INPPL1: variants seen among roughly 807,000 people sequenced by gnomAD.
The protein encoded by INPPL1 is phosphatidylinositol 3,4,5-trisphosphate 5-phosphatase 2.
A neutral mutation model predicts 139.3 loss-of-function variants in INPPL1; 91 were observed. That is an observed-to-expected ratio of 0.65 (90% CI 0.55 to 0.78). The LOEUF (loss-of-function observed/expected upper bound fraction) is 0.78, where lower values mean the gene tolerates loss of function less well. Among genes scored for constraint, INPPL1 ranks in the 30% least tolerant of loss-of-function variants. The pLI is 0.00. For synonymous variants in INPPL1, 719 were observed against 686.6 expected (o/e 1.05, Z -0.74); for missense variants, 1,411 against 1,665.6 (o/e 0.85, Z 2.66).
Position 72,228,039 on chromosome 11 carries a change from C to G in INPPL1, c.183-151C>G, listed in dbSNP as rs1017903046. The G allele has an allele frequency of 1.2e-5, 9 of 729,108 alleles. No individual in the cohort carries two copies. In the African/African-American group the frequency reaches 1.5e-4, roughly 13 times the overall value. 45.2% of individuals were successfully genotyped at this position (729,108 alleles called of 1,614,324 possible). A position where few individuals can be genotyped will look rare whatever the true frequency, so the allele number is the denominator to read the frequency against. ...CAGGAGGGTGGAAGTGGACCGGCCA[C>G]ATCATTAACCCTGTGCAGCCTGGGC... On this transcript the variant is annotated intron_variant, in intron 1 of 27. Coordinates refer to ENST00000298229, the MANE Select transcript of INPPL1 (RefSeq NM_001567.4). The surrounding 1 kb of genome is among the most constrained non-coding windows in gnomAD (Gnocchi z 5.0).
At position 72,229,208 on chromosome 11, in the gene INPPL1, A is replaced by G. The variant is rs138340411; in HGVS notation, c.637A>G (p.Thr213Ala). 5.9e-4 allele frequency: 945 copies of G among 1,611,554 alleles called. 2 individuals are homozygous for G. The highest frequency in any genetic ancestry group is 7.1e-4 in the Non-Finnish European group (836 of 1,178,664). ...HLPHLTRTLA[T>A]SCRRLHSEVD... is the part of the protein sequence containing the mutation. ...GCCCCACCTCACCCGTACCCTCGCT[A>G]CCTCATGCCGGAGGCTGCACAGGTA... Residue 213 changes from threonine to alanine, a missense_variant, in exon 5 of 28, where the codon ACC becomes GCC. By Grantham distance (58) the Thr-to-Ala change is moderately conservative. Transcript: ENST00000298229.
At chr11:72,229,042 G>T in intron 4 of INPPL1, 48 bp from the exon 5 acceptor site, 1 of 1,566,508 alleles carries the variant, frequency 6.4e-7, no homozygotes. Context: ...CAGAGGTGCT[G>T]GGACAGGTCA....
In INPPL1 at chr11:72,234,187, C is replaced by A; in HGVS notation, c.2213-94C>A. Reference sequence around the variant, plus strand: ...CCTGGCCCTGCCTCCTTGCTCTGGACCCCTGATTTCCTGTCCCAGGGCCCT... The same window carrying A: ...CCTGGCCCTGCCTCCTTGCTCTGGAACCCTGATTTCCTGTCCCAGGGCCCT... On this transcript the variant is annotated intron_variant, in intron 19 of 27. Coordinates refer to ENST00000298229, the MANE Select transcript of INPPL1 (RefSeq NM_001567.4). This position sits in a 1 kb window ranked among gnomAD's most constrained non-coding sequence, Gnocchi z 4.2. The A allele has an allele frequency of 3.1e-6, 3 of 959,306 alleles. No individual in the cohort carries two copies. Among genetic ancestry groups the A allele is most frequent in the South Asian group, 1.4e-5 (1 of 72,284 alleles). The allele number at this position is 959,306 out of a possible 1,614,324, so 59.4% of individuals were successfully genotyped here.
At chr11:72,225,678 A>G (rs1339574092) in intron 1 of INPPL1, 1 of 242,112 alleles carries the variant, frequency 4.1e-6, no homozygotes, top group Non-Finnish European at 6.6e-6. Flanking sequence ...TGGGTGGTGT[A>G]GAGAGGAAGG....
intron 1 of INPPL1, among the ~76,000 whole-genome samples, chr11:72,225,811 A>T (rs968499095): frequency 6.6e-6 from 1 of 152,302 alleles, no homozygotes; most frequent in Non-Finnish European, 1.5e-5. Flanking sequence ...GCCCTGAGCT[A>T]TGAGTGCTGA....
At chr11:72,229,289 C>A in intron 5 of INPPL1, 59 bp downstream of exon 5, 1 of 1,526,934 alleles carries the variant, frequency 6.5e-7, no homozygotes, top group Non-Finnish European at 8.9e-7. Flanking sequence ...TCCTCACCTG[C>A]TTCCCGGCTG....
intron 17 of INPPL1, 31 bp from the exon 18 acceptor site, chr11:72,233,410 G>C: frequency 1.3e-6 from 2 of 1,598,814 alleles, no homozygotes; most frequent in Non-Finnish European, 1.7e-6. Flanking sequence ...CTAGCTGTCA[G>C]CTCTAACCAT....
At chr11:72,227,607 ACCCCTCTTGC>A (rs1306641147) in intron 1 of INPPL1, among the ~76,000 whole-genome samples, 4 of 151,934 alleles carry the variant, frequency 2.6e-5, no homozygotes, top group African/African-American at 9.7e-5. Context: ...GTCTGTCAGC[ACCCCTCTTGC>A]CCCTCCTTGG....
In INPPL1 at chr11:72,235,273, G is replaced by A; in HGVS notation, c.2504-23G>A. 1.2e-6 allele frequency: 2 copies of A among 1,613,950 alleles called. No homozygotes were observed. Among genetic ancestry groups the A allele is most frequent in the African/African-American group, 1.3e-5 (1 of 74,996 alleles). ...CCCTAGATTAGCTTGGTAATTTGCT[G>A]GTTTGTCCCATCTGCTCCTCAGGGG... is the stretch of plus-strand genomic sequence containing the variant. On this transcript the variant is annotated intron_variant, in intron 22 of 27. Transcript: ENST00000298229. The surrounding 1 kb of genome is among the most constrained non-coding windows in gnomAD (Gnocchi z 4.9).
At position 72,229,391 on chromosome 11, in the gene INPPL1, G is replaced by A. The variant is rs537823510; in HGVS notation, c.660-74G>A. The A allele has an allele frequency of 4.1e-6, 6 of 1,476,478 alleles. No individual in the cohort carries two copies. In the African/African-American group the frequency reaches 6.9e-5, roughly 17 times the overall value. The allele number at this position is 1,476,478 out of a possible 1,614,324, so 91.5% of individuals were successfully genotyped here. Reference sequence around the variant, plus strand: ...TAGCCTTTATCCTTGTGGTGAGGTTGAGGCTACACCCAGCGCCCCCTTCCC... The same window carrying A: ...TAGCCTTTATCCTTGTGGTGAGGTTAAGGCTACACCCAGCGCCCCCTTCCC... On this transcript the variant is annotated intron_variant, in intron 5 of 27. Transcript: ENST00000298229.
intron 5 of INPPL1, 51 bp from the exon 6 acceptor site, chr11:72,229,414 C>T (rs753006035): frequency 1.3e-6 from 2 of 1,563,918 alleles, no homozygotes; most frequent in Admixed American, 1.7e-5. Context: ...GCGCCCCCTT[C>T]CCTATACTTA....
At position 72,231,569 on chromosome 11, in the gene INPPL1, C is replaced by T. The variant is rs779271883; in HGVS notation, c.1569C>T (p.Ser523=). ...AGCCAGAGCACGAGAACCGTATCAGCCATGTCAGTACGTCCAGTGTGAAGA... is the reference window on the plus strand; with the variant it reads ...AGCCAGAGCACGAGAACCGTATCAGTCATGTCAGTACGTCCAGTGTGAAGA... The part of the protein sequence containing the change: ...LVKPEHENRI[S]HVSTSSVKTG... Residue 523 remains serine, a synonymous_variant, in exon 13 of 28, where the codon AGC becomes AGT. Transcript: ENST00000298229. 5 of 1,613,860 alleles carry T rather than the reference C, an allele frequency of 3.1e-6. No homozygotes were observed. Among genetic ancestry groups the T allele is most frequent in the Admixed American group, 3.3e-5 (2 of 59,990 alleles).
rs1949015292 is a variant in INPPL1 at position 72,237,312 on chromosome 11, C to T, written c.3068C>T (p.Ala1023Val). 6.2e-7 allele frequency: 1 copy of T among 1,614,016 alleles called. No individual in the cohort carries two copies. Among genetic ancestry groups the T allele is most frequent in the Non-Finnish European group, 8.5e-7 (1 of 1,180,024 alleles). ...AACAAAGTGGCCATTACAGTGCCTG[C>T]TCCACAGCTTGGGCACCACCGGCAC... ...TKNKVAITVP[A>V]PQLGHHRHPR... The change falls in exon 26 of 28, where the codon GCT (alanine) becomes GTT (valine). Residue 1023 changes from alanine to valine, a missense_variant. Ala to Val is a moderately conservative substitution (Grantham distance 64). This residue lies in a region of INPPL1 where 438 missense variants were observed against 425.7 expected (regional missense o/e 1.03). Transcript: ENST00000298229.
At chr11:72,231,328 T>C (rs1948828544) in intron 12 of INPPL1, 139 bp downstream of exon 12, 1 of 977,304 alleles carries the variant, frequency 1.0e-6, no homozygotes, top group African/African-American at 1.6e-5. Flanking sequence ...TTGGGAGATC[T>C]GACCTGAGTC....
At chr11:72,229,347 T>C in intron 5 of INPPL1, 117 bp downstream of exon 5, 1 of 1,412,216 alleles carries the variant, frequency 7.1e-7, no homozygotes, top group Non-Finnish European at 9.9e-7. Flanking sequence ...AGCCATTGCC[T>C]CTTGACTTTC....
chr11:72,226,727 AG>A (rs1565382932), intron 1 of INPPL1, among the ~76,000 whole-genome samples: 1 of 152,108 alleles, frequency 6.6e-6, no homozygotes, highest in East Asian at 1.9e-4. Flanking sequence ...GAGACTAAGG[AG>A]GGACAGACTA....
chr11:72,223,808 G>A (rs1324076608), upstream of INPPL1: 3 of 150,528 alleles, frequency 2.0e-5, no homozygotes, highest in South Asian at 5.3e-4. Flanking sequence ...GGCGGGGTGA[G>A]GCGAGGCGCG....
chr11:72,226,063 C>A (rs1948663164), intron 1 of INPPL1, among the ~76,000 whole-genome samples: 1 of 151,920 alleles, frequency 6.6e-6, no homozygotes. Flanking sequence ...TTATTTAGAT[C>A]TTTCTTAGCT....
chr11:72,238,211 G>A (rs1299887733), intron 27 of INPPL1, 36 bp downstream of exon 27: 37 of 1,613,134 alleles, frequency 2.3e-5, no homozygotes, highest in Non-Finnish European at 3.1e-5. Flanking sequence ...CGGAGCTGGG[G>A]CCCTCAGGAT....
Sources: allele counts gnomAD v4.1 joint callset (sites outside exome capture counted in the v4.1 genomes callset), GRCh38; gene constraint gnomAD v4.1.1; regional missense constraint gnomAD v4.1.1; non-coding constraint Gnocchi (gnomAD v3.1); transcripts MANE v1.5; gene names NCBI Gene and HGNC (gene_info 2026-07-23, HGNC 2026-07-21).